The following KPNA4 variants were observed in gnomAD, a reference collection of about 807,000 sequenced individuals.
KPNA4 encodes the protein importin subunit alpha-3.
Under a neutral mutation model 71.3 loss-of-function variants are expected in KPNA4, and 13 were observed. That is an observed-to-expected ratio of 0.18 (90% CI 0.12 to 0.29). The LOEUF (loss-of-function observed/expected upper bound fraction) is 0.29. KPNA4 is among the 10% of genes least tolerant of loss of function. KPNA4 has a pLI of 1.00. For missense variants in KPNA4, 334 were observed against 603.2 expected (o/e 0.55, Z 4.67); for synonymous variants, 189 against 195.2 (o/e 0.97, Z 0.26).
chr3:160,559,699 A>C (rs576322531), intron 1 of KPNA4, among the ~76,000 whole-genome samples: 1 of 152,238 alleles, frequency 6.6e-6, no homozygotes, highest in South Asian at 2.1e-4. Context: ...ATGAAAACAT[A>C]ACATACTTTC....
intron 12 of KPNA4, among the ~76,000 whole-genome samples, chr3:160,514,709 A>G (rs181683245): frequency 3.1e-4 from 47 of 152,328 alleles, no homozygotes; most frequent in Non-Finnish European, 6.5e-4. Flanking sequence ...CATTCACTGC[A>G]TAATTTCTCT....
At position 160,565,226 on chromosome 3, in the gene KPNA4, G is replaced by T; in HGVS notation, c.57C>A (p.Gly19=). Reference sequence around the variant, plus strand: ...TCCCCGAGTTTACCTCCAAGTCGCGGCCTTTGTTCTTGAAATTCTTGAGCC... The same window carrying T: ...TCCCCGAGTTTACCTCCAAGTCGCGTCCTTTGTTCTTGAAATTCTTGAGCC... ...NQRLKNFKNK[G]RDLETMRRQR... Residue 19 remains glycine (G), a synonymous_variant, in exon 1 of 17, where the codon GGC becomes GGA. Transcript: ENST00000334256. 5.6e-6 allele frequency: 9 copies of T among 1,609,612 alleles called. No individual in the cohort carries two copies. The highest frequency in any genetic ancestry group is 7.6e-6 in the Non-Finnish European group (9 of 1,177,950).
At chr3:160,534,615 G>C (rs1232918262) in intron 5 of KPNA4, among the ~76,000 whole-genome samples, 1 of 148,436 alleles carries the variant, frequency 6.7e-6, no homozygotes, top group African/African-American at 2.5e-5. Context: ...CTACTTGGGA[G>C]GCTGAGGCAG....
chr3:160,554,407 T>C (rs1374573117), intron 1 of KPNA4, among the ~76,000 whole-genome samples: 1 of 152,222 alleles, frequency 6.6e-6, no homozygotes, highest in African/African-American at 2.4e-5. Context: ...CACTAATTTA[T>C]TTTCTGTCTC....
intron 10 of KPNA4, among the ~76,000 whole-genome samples, chr3:160,522,167 C>T (rs528896569): frequency 5.9e-5 from 9 of 152,296 alleles, no homozygotes; most frequent in South Asian, 2.1e-4. Flanking sequence ...AAGATACACA[C>T]GCACACTACA....
chr3:160,518,229 G>A (rs1179654869), intron 11 of KPNA4, among the ~76,000 whole-genome samples: 2 of 151,010 alleles, frequency 1.3e-5, no homozygotes, highest in African/African-American at 2.4e-5. Context: ...CCGGGTTCAC[G>A]CCATTCTCCT....
intron 1 of KPNA4, among the ~76,000 whole-genome samples, chr3:160,548,498 C>T (rs1348776789): frequency 2.0e-5 from 3 of 152,106 alleles, no homozygotes; most frequent in Non-Finnish European, 4.4e-5. Context: ...ATTCCTTTTC[C>T]TGTTTCTATG....
At chr3:160,559,284 G>GA (rs1223145042) in intron 1 of KPNA4, among the ~76,000 whole-genome samples, 3 of 150,434 alleles carry the variant, frequency 2.0e-5, no homozygotes, top group Non-Finnish European at 3.0e-5. Flanking sequence ...GGTAAAAAAA[G>GA]AAAAAAAAAT....
chr3:160,561,678 TG>T (rs1322806953), intron 1 of KPNA4, among the ~76,000 whole-genome samples: 3 of 152,050 alleles, frequency 2.0e-5, no homozygotes, highest in Non-Finnish European at 4.4e-5. Context: ...ATCACTAATT[TG>T]GTGTGCCTAA....
chr3:160,564,458 G>C (rs1285695240), intron 1 of KPNA4: 1 of 152,316 alleles, frequency 6.6e-6, no homozygotes, highest in African/African-American at 2.4e-5. Context: ...CTCTCAGGAG[G>C]GGGTAAAGAG....
At chr3:160,506,023 A>C (rs1458511160) in intron 15 of KPNA4, among the ~76,000 whole-genome samples, 2 of 152,166 alleles carry the variant, frequency 1.3e-5, no homozygotes, top group Non-Finnish European at 2.9e-5. Context: ...TTTAAGAGAA[A>C]GCCCAAGTTC....
At chr3:160,505,085 AATATTTAAAGAGC>A in intron 15 of KPNA4, 33 bp from the exon 16 acceptor site, 1 of 1,190,874 alleles carries the variant, frequency 8.4e-7, no homozygotes, top group Non-Finnish European at 1.2e-6. Context: ...AAACAATAGT[AATATTTAAAGAGC>A]AGTGACAAGT....
rs1490492007 is a variant in KPNA4, at chr3:160,515,535, C to T, written c.949G>A (p.Glu317Lys). ...AVGNIVTGTDEQTQVVLNCDA... is the reference protein window; with the variant it reads ...AVGNIVTGTDKQTQVVLNCDA... ...CAGTTCAAAACTACTTGTGTTTGCT[C>T]ATCAGTTCCAGTAACAATGTTGCCC... is the stretch of plus-strand genomic sequence containing the variant. The change falls in exon 12 of 17, where the codon GAG becomes AAG. Residue 317 changes from glutamate (E) to lysine (K), a missense_variant. Physicochemically the swap from Glu to Lys is moderately conservative, Grantham distance 56. Transcript: ENST00000334256. 1.2e-6 allele frequency: 2 copies of T among 1,613,328 alleles called. No homozygotes were observed. Among genetic ancestry groups the T allele is most frequent in the Non-Finnish European group, 1.7e-6 (2 of 1,179,650 alleles).
chr3:160,542,931 A>C (rs1721831947), intron 1 of KPNA4, among the ~76,000 whole-genome samples: 1 of 152,248 alleles, frequency 6.6e-6, no homozygotes, highest in South Asian at 2.1e-4. Context: ...ATTTTTAAAA[A>C]TTGCCAAAAT....
intron 1 of KPNA4, among the ~76,000 whole-genome samples, chr3:160,558,626 A>C (rs927694450): frequency 6.6e-6 from 1 of 152,202 alleles, no homozygotes; most frequent in South Asian, 2.1e-4. Context: ...CTCATGTGCA[A>C]AAGAAGCAAT....
At position 160,502,113 on chromosome 3, in the gene KPNA4, G is replaced by C. The variant is rs1189747980; in HGVS notation, c.1557C>G (p.Phe519Leu). 6.4e-7 allele frequency: 1 copy of C among 1,572,366 alleles called. No homozygotes were observed. Among genetic ancestry groups the C allele is most frequent in the South Asian group, 1.2e-5 (1 of 86,322 alleles). ...NSSANVPTEGFQF is the reference protein window; with the variant it reads ...NSSANVPTEGLQF ...CTTCCACAACATCTTTCTAAAACTG[G>C]AACCCTTCTGTTGGTACATTGGCAG... Residue 519 changes from phenylalanine (F) to leucine (L), a missense_variant, in exon 17 of 17, where the codon TTC (phenylalanine) becomes TTG (leucine). Physicochemically the swap from Phe to Leu is conservative, Grantham distance 22. Coordinates refer to ENST00000334256, the MANE Select transcript of KPNA4 (RefSeq NM_002268.5).
rs1720786315 is a variant in KPNA4, at chr3:160,497,321, AGAATT to A, written c.*4778_*4782del. The A allele has an allele frequency of 6.6e-6, 1 of 152,254 alleles. No individual in the cohort carries two copies. The highest frequency in any genetic ancestry group is 1.5e-5 in the Non-Finnish European group (1 of 68,092). 9.4% of individuals were successfully genotyped at this position (152,254 alleles called of 1,614,324 possible). On this transcript the variant is annotated 3_prime_UTR_variant, in exon 17 of 17. Transcript: ENST00000334256. ...TCCCAGCTACTCAGGAGGCTGAGGC[AGAATT>A]GCTTGAACCCTTGAGGCAGAGGTTG...
At position 160,565,554 on chromosome 3, in the gene KPNA4, G is replaced by C. The variant is rs547490903; in HGVS notation, c.-272C>G. On this transcript the variant is annotated 5_prime_UTR_variant, in exon 1 of 17. Transcript: ENST00000334256. The stretch of plus-strand genomic sequence containing the variant: ...ACGGAATGTGCTGCCGGCTGAGAGG[G>C]GGAGGCAGCCTCGATCTGAGGGCCC... The C allele has an allele frequency of 1.1e-5, 6 of 529,030 alleles. No individual in the cohort carries two copies. The highest frequency in any genetic ancestry group is 6.1e-5 in the African/African-American group (3 of 49,248). 32.8% of individuals were successfully genotyped at this position (529,030 alleles called of 1,614,324 possible).
chr3:160,551,435 T>C (rs896896338), intron 1 of KPNA4, among the ~76,000 whole-genome samples: 1 of 151,876 alleles, frequency 6.6e-6, no homozygotes, highest in Non-Finnish European at 1.5e-5. Context: ...CTTAACTGAG[T>C]TGTGGAGGTT....
Sources: gnomAD v4.1 joint callset for allele counts (sites outside exome capture counted in the v4.1 genomes callset) on GRCh38, gnomAD v4.1.1 for gene constraint, MANE v1.5 for transcripts, NCBI Gene and HGNC (gene_info 2026-07-23, HGNC 2026-07-21) for gene names.